The following GOLM2 variants were observed in gnomAD, a reference collection of about 807,000 sequenced individuals.
The protein encoded by GOLM2 is protein GOLM2.
In GOLM2, 26 loss-of-function variants were observed where a neutral mutation model predicts 55.9. The observed-to-expected ratio is 0.47, with a 90% CI of 0.34 to 0.65. The LOEUF is 0.65. Among genes scored for constraint, GOLM2 ranks in the 30% least tolerant of loss-of-function variants. The pLI, the probability that GOLM2 is intolerant of heterozygous loss-of-function variation, is 0.01. For synonymous variants in GOLM2, 165 were observed against 194.6 expected (o/e 0.85, Z 1.27); for missense variants, 486 against 531.8 (o/e 0.91, Z 0.85).
intron 6 of GOLM2, among the ~76,000 whole-genome samples, chr15:44,369,719 CACACAT>C (rs1316549872): frequency 7.9e-5 from 11 of 138,850 alleles, no homozygotes; most frequent in East Asian, 4.2e-4. Context: ...CACACACACA[CACACAT>C]ATATATATAA....
At chr15:44,397,407 A>C (rs2079533626) in intron 8 of GOLM2, among the ~76,000 whole-genome samples, 1 of 136,824 alleles carries the variant, frequency 7.3e-6, no homozygotes, top group African/African-American at 2.7e-5. Flanking sequence ...TGAACCTGGG[A>C]GGCGGAGCTT....
chr15:44,295,536 G>C (rs893016537), intron 1 of GOLM2, among the ~76,000 whole-genome samples: 1 of 152,160 alleles, frequency 6.6e-6, no homozygotes, highest in African/African-American at 2.4e-5. Flanking sequence ...TAGTTTGCTA[G>C]GGCTGCCATA....
chr15:44,302,169 G>T (rs2078803289), intron 1 of GOLM2, among the ~76,000 whole-genome samples: 1 of 149,798 alleles, frequency 6.7e-6, no homozygotes, highest in Admixed American at 6.6e-5. Flanking sequence ...TTTTGAGATG[G>T]AGTCTTACTC....
chr15:44,331,152 C>A lies in GOLM2; in HGVS notation c.486-836C>A, dbSNP rs569376702. On this transcript the variant is annotated intron_variant, in intron 3 of 9. Transcript: ENST00000299957. ...GCCTCAGCCTCCTGAGTAGCTGGGA[C>A]CACAGGCACGTACCACCATGCCTGG... is the stretch of plus-strand genomic sequence containing the variant. Among the ~76,000 whole-genome samples the A allele has an allele frequency of 9.2e-5, 14 of 152,108 alleles. No individual in the cohort carries two copies. In the East Asian group the frequency reaches 2.5e-3, roughly 27 times the overall value.
intron 8 of GOLM2, among the ~76,000 whole-genome samples, chr15:44,384,015 A>G (rs1396564491): frequency 6.6e-6 from 1 of 152,122 alleles, no homozygotes; most frequent in Non-Finnish European, 1.5e-5. Context: ...CAGATTTATC[A>G]CAGTTTTCCT....
chr15:44,357,602 A>T (rs1337807928), intron 6 of GOLM2, among the ~76,000 whole-genome samples: 1 of 152,202 alleles, frequency 6.6e-6, no homozygotes, highest in East Asian at 1.9e-4. Flanking sequence ...GAAGGAAGAA[A>T]TAAAACTCTC....
chr15:44,345,779 T>C (rs2079120247), intron 6 of GOLM2: 1 of 152,154 alleles, frequency 6.6e-6, no homozygotes, highest in African/African-American at 2.4e-5. Flanking sequence ...ACCTGAGCAA[T>C]TGAAAGTTAT....
intron 8 of GOLM2, among the ~76,000 whole-genome samples, chr15:44,385,603 G>A (rs2079438920): frequency 6.6e-6 from 1 of 152,094 alleles, no homozygotes; most frequent in Non-Finnish European, 1.5e-5. Context: ...CCAGAGTGCA[G>A]TGGCACAGTC....
rs963882640 is a variant in GOLM2 at position 44,374,582 on chromosome 15, C to T, written c.803-5108C>T. On this transcript the variant is annotated intron_variant, in intron 6 of 9. Coordinates refer to ENST00000299957, the MANE Select transcript of GOLM2 (RefSeq NM_138423.4). ...TCAGCTCATGGTTCTGCGGGCTGTA[C>T]AGGCATCTGCTTCTGAGGAGGCCTC... 5.9e-5 allele frequency among the ~76,000 whole-genome samples: 9 copies of T among 152,212 alleles called. No homozygotes were observed. The East Asian group carries it at 1.5e-3, about 26-fold the overall frequency.
chr15:44,327,523 A>G (rs1299633119), intron 2 of GOLM2, among the ~76,000 whole-genome samples: 2 of 152,140 alleles, frequency 1.3e-5, no homozygotes, highest in African/African-American at 4.8e-5. Flanking sequence ...TAGATGTTAT[A>G]GTATTGGTAC....
chr15:44,392,314 T>A (rs1245213345), intron 8 of GOLM2, among the ~76,000 whole-genome samples: 3 of 151,992 alleles, frequency 2.0e-5, no homozygotes, highest in African/African-American at 7.2e-5. Flanking sequence ...TTTCTCTTAT[T>A]AATATAGATA....
At chr15:44,307,936 G>A (rs906396373) in intron 1 of GOLM2, 7 of 152,176 alleles carry the variant, frequency 4.6e-5, no homozygotes, top group African/African-American at 1.4e-4. Flanking sequence ...TCAAGCAGTA[G>A]AATAGGAGAG....
intron 6 of GOLM2, among the ~76,000 whole-genome samples, chr15:44,349,259 C>CAAA (rs144376603): frequency 6.3e-5 from 4 of 63,430 alleles, no homozygotes; most frequent in African/African-American, 1.1e-4. Flanking sequence ...AACTCCGTCT[C>CAAA]AAAAAAAAAA....
chr15:44,375,077 G>T (rs1463683162), intron 6 of GOLM2, among the ~76,000 whole-genome samples: 2 of 152,042 alleles, frequency 1.3e-5, no homozygotes, highest in African/African-American at 4.8e-5. Context: ...GAGTGCAGTG[G>T]TGCTATCTCG....
chr15:44,327,438 G>GTA (rs1259678278), intron 2 of GOLM2, among the ~76,000 whole-genome samples: 17 of 152,054 alleles, frequency 1.1e-4, no homozygotes, highest in Admixed American at 8.5e-4. Flanking sequence ...GAAAGTGGCT[G>GTA]TATATATATC....
chr15:44,336,283 A>AT (rs2079056182), intron 4 of GOLM2, among the ~76,000 whole-genome samples: 1 of 151,018 alleles, frequency 6.6e-6, no homozygotes, highest in Non-Finnish European at 1.5e-5. Context: ...CACCCGGCTA[A>AT]TTTTTTGTAT....
At chr15:44,328,910 C>T (rs376517194) in intron 3 of GOLM2, 123 bp downstream of exon 3, 1 of 575,042 alleles carries the variant, frequency 1.7e-6, no homozygotes, top group African/African-American at 1.9e-5. Context: ...TTTTGTTAAG[C>T]CTTTTAAATT....
intron 1 of GOLM2, among the ~76,000 whole-genome samples, chr15:44,299,335 C>G (rs1256360316): frequency 6.6e-6 from 1 of 151,812 alleles, no homozygotes; most frequent in Non-Finnish European, 1.5e-5. Flanking sequence ...CTCTGTCGCC[C>G]AGGCTGGAGT....
chr15:44,402,403 G>A (rs1383268672), intron 8 of GOLM2, among the ~76,000 whole-genome samples: 1 of 151,230 alleles, frequency 6.6e-6, no homozygotes, highest in Non-Finnish European at 1.5e-5. Context: ...TGTTTCCCAG[G>A]CTGGTCTCAA....
Sources: gnomAD v4.1 joint callset for allele counts (sites outside exome capture counted in the v4.1 genomes callset) on GRCh38, gnomAD v4.1.1 for gene constraint, MANE v1.5 for transcripts, NCBI Gene and HGNC (gene_info 2026-07-23, HGNC 2026-07-21) for gene names.